ANKK1: variants seen among roughly 807,000 people sequenced by gnomAD.
ANKK1 encodes the protein ankyrin repeat and protein kinase domain-containing protein 1.
In ANKK1, 37 loss-of-function variants were observed where a neutral mutation model predicts 37.6. The observed-to-expected ratio is 0.98, with a 90% confidence interval of 0.76 to 1.29. The LOEUF (loss-of-function observed/expected upper bound fraction) is 1.29. Ranked by LOEUF, ANKK1 falls within the 50% of genes most tolerant of loss-of-function variation. The pLI, the probability that ANKK1 is intolerant of heterozygous loss-of-function variation, is 0.00. For synonymous variants in ANKK1, 415 were observed against 418.7 expected, an observed-to-expected ratio of 0.99 and a Z score of 0.11; for missense variants, 1,019 against 990.6, an observed-to-expected ratio of 1.03 and a Z score of -0.39.
In ANKK1 at chr11:113,397,888, G is replaced by A. The variant is rs12286468; in HGVS notation, c.958-92G>A. ...TGGGATGTGAGTCCTGACAGTGACC[G>A]GGAAGGTTGGAGAGAGGGAAGGAGG... On this transcript the variant is annotated intron_variant, in intron 6 of 7. Coordinates refer to ENST00000303941, the MANE Select transcript of ANKK1 (RefSeq NM_178510.2). 6.4e-3 allele frequency: 8,946 copies of A among 1,395,268 alleles called. 445 individuals carry two copies. The African/African-American group carries it at 0.11, about 17-fold the overall frequency. 86.4% of individuals were successfully genotyped at this position (1,395,268 alleles called of 1,614,324 possible).
intron 4 of ANKK1, 114 bp from the exon 5 acceptor site, chr11:113,395,952 TG>T: frequency 8.2e-7 from 1 of 1,212,310 alleles, no homozygotes; most frequent in Non-Finnish European, 1.2e-6. Flanking sequence ...CAAGCATTTG[TG>T]GAGCCCCCAC....
At position 113,396,171 on chromosome 11, in the gene ANKK1, C is replaced by G. The variant is rs943310420; in HGVS notation, c.787C>G (p.Leu263Val). Reference protein sequence around the residue: ...WPSEAQQMVDLMKRCWDQDPK... With the variant: ...WPSEAQQMVDVMKRCWDQDPK... Reference sequence around the variant, plus strand: ...AAGCGAGGCCCAGCAGATGGTGGACCTGATGAAACGCTGCTGGGACCAGGA... The same window carrying G: ...AAGCGAGGCCCAGCAGATGGTGGACGTGATGAAACGCTGCTGGGACCAGGA... The change falls in exon 5 of 8, where the codon CTG becomes GTG. Residue 263 changes from leucine to valine, a missense_variant. Leu to Val is a conservative substitution (Grantham distance 32). Transcript: ENST00000303941. 1 of 1,613,932 alleles carries G rather than the reference C, an allele frequency of 6.2e-7. No homozygotes were observed. The highest frequency in any genetic ancestry group is 8.5e-7 in the Non-Finnish European group (1 of 1,179,876).
intron 2 of ANKK1, 58 bp from the exon 3 acceptor site, chr11:113,394,871 C>G: frequency 6.3e-7 from 1 of 1,596,396 alleles, no homozygotes; most frequent in South Asian, 1.1e-5. Flanking sequence ...GAAGCCATAG[C>G]CGTTTTCTGG....
chr11:113,398,783 C>T (rs192829760), intron 7 of ANKK1, among the ~76,000 whole-genome samples, 181 bp from the exon 8 acceptor site: 16 of 152,200 alleles, frequency 1.1e-4, no homozygotes, highest in Non-Finnish European at 2.1e-4. Flanking sequence ...CCAGGACGAC[C>T]GAGCCTGAAC....
intron 1 of ANKK1, among the ~76,000 whole-genome samples, chr11:113,388,694 C>T (rs79697484): frequency 0.034 from 5,121 of 152,306 alleles, 102 homozygotes; most frequent in Middle Eastern, 0.058. Context: ...TGCTGTCATG[C>T]GCACTACAGC....
At chr11:113,395,255 G>T in intron 3 of ANKK1, 104 bp from the exon 4 acceptor site, 1 of 1,528,014 alleles carries the variant, frequency 6.5e-7, no homozygotes. Context: ...GGTGAGGCTT[G>T]CCTGGGACTG....
At chr11:113,397,841 A>T in intron 6 of ANKK1, 139 bp from the exon 7 acceptor site, 1 of 959,900 alleles carries the variant, frequency 1.0e-6, no homozygotes. Flanking sequence ...ATGGCAAAGG[A>T]TAAAGGTTTC....
chr11:113,393,197 A>G (rs1262696018), intron 1 of ANKK1, among the ~76,000 whole-genome samples: 2 of 152,210 alleles, frequency 1.3e-5, no homozygotes, highest in Admixed American at 1.3e-4. Flanking sequence ...ACTAGAATAA[A>G]GGGCAAACTG....
intron 7 of ANKK1, among the ~76,000 whole-genome samples, chr11:113,398,352 C>A (rs1310682214): frequency 2.0e-5 from 3 of 151,470 alleles, no homozygotes; most frequent in African/African-American, 7.3e-5. Context: ...CTTGGGCACA[C>A]CCTAGACTAA....
rs201092692 is a variant in ANKK1 at position 113,399,978 on chromosome 11, G to A, written c.2009G>A (p.Ser670Asn). The A allele has an allele frequency of 1.5e-5, 24 of 1,613,636 alleles. No homozygotes were observed. The African/African-American group carries it at 1.6e-4, about 11-fold the overall frequency. Residue 670 changes from serine (S) to asparagine (N), a missense_variant, in exon 8 of 8, where the codon AGC becomes AAC. Coordinates refer to ENST00000303941, the MANE Select transcript of ANKK1 (RefSeq NM_178510.2). Reference sequence around the variant, plus strand: ...CCCCTCCACCTGGCGGTCCAGAGGAGCACCTTCCTGAGTGTCATCAACCTC... The same window carrying A: ...CCCCTCCACCTGGCGGTCCAGAGGAACACCTTCCTGAGTGTCATCAACCTC... Reference protein sequence around the residue: ...WTPLHLAVQRSTFLSVINLLE... With the variant: ...WTPLHLAVQRNTFLSVINLLE...
At chr11:113,390,846 A>G (rs1744920741) in intron 1 of ANKK1, among the ~76,000 whole-genome samples, 1 of 152,212 alleles carries the variant, frequency 6.6e-6, no homozygotes, top group Admixed American at 6.5e-5. Context: ...AGTCTAAAGG[A>G]GGAAGACAAA....
chr11:113,399,904 G>GTGT lies in ANKK1; in HGVS notation c.1935_1936insTGT (p.Leu645_Leu646insCys). 1 of 1,613,530 alleles carries GTGT rather than the reference G, an allele frequency of 6.2e-7. No homozygotes were observed. The highest frequency in any genetic ancestry group is 8.5e-7 in the Non-Finnish European group (1 of 1,179,884). On this transcript the variant is annotated inframe_insertion, in exon 8 of 8. Coordinates refer to ENST00000303941, the MANE Select transcript of ANKK1 (RefSeq NM_178510.2). ...GGGAGGAGGCGGTGGTGTCAGCACT[G>GTGT]CTGCAGTGTGGGGCTGACCCCAATG...
intron 1 of ANKK1, among the ~76,000 whole-genome samples, 179 bp from the exon 2 acceptor site, chr11:113,393,302 A>G (rs946670921): frequency 2.0e-5 from 3 of 152,098 alleles, no homozygotes; most frequent in Non-Finnish European, 2.9e-5. Context: ...CTGTACTGAA[A>G]TCTAAGCGGC....
intron 1 of ANKK1, among the ~76,000 whole-genome samples, chr11:113,388,678 G>A (rs907931836): frequency 5.9e-5 from 9 of 152,128 alleles, no homozygotes; most frequent in Admixed American, 5.9e-4. Context: ...TTTTGTTTTT[G>A]TCCCTTGCTG....
At chr11:113,388,494 T>A (rs1950564235) in intron 1 of ANKK1, among the ~76,000 whole-genome samples, 1 of 152,162 alleles carries the variant, frequency 6.6e-6, no homozygotes, top group South Asian at 2.1e-4. Context: ...CCTGGGAGGC[T>A]GTGGCACTTT....
Position 113,387,872 on chromosome 11 carries a change from G to C in ANKK1, c.-13G>C. The C allele has an allele frequency of 6.6e-7, 1 of 1,520,018 alleles. No individual in the cohort carries two copies. The highest frequency in any genetic ancestry group is 8.8e-7 in the Non-Finnish European group (1 of 1,134,134). The allele number at this position is 1,520,018 out of a possible 1,614,324, so 94.2% of individuals were successfully genotyped here. A position where few individuals can be genotyped will look rare whatever the true frequency, so the allele number is the denominator to read the frequency against. ...CGGGGAGTGCGCGGCGCGGGGACAG[G>C]AAGAGAGGGGCAATGGCTGCCGACC... On this transcript the variant is annotated 5_prime_UTR_variant, in exon 1 of 8. Coordinates refer to ENST00000303941, the MANE Select transcript of ANKK1 (RefSeq NM_178510.2).
chr11:113,389,050 C>G (rs1388238729), intron 1 of ANKK1, among the ~76,000 whole-genome samples: 1 of 152,186 alleles, frequency 6.6e-6, no homozygotes, highest in East Asian at 1.9e-4. Context: ...GGCCTTCCCC[C>G]ACCTTATGAG....
chr11:113,399,437 C>A lies in ANKK1; in HGVS notation c.1468C>A (p.His490Asn), dbSNP rs912302675. The A allele has an allele frequency of 1.3e-6, 2 of 1,599,090 alleles. No individual in the cohort carries two copies. The highest frequency in any genetic ancestry group is 1.7e-6 in the Non-Finnish European group (2 of 1,173,280). ...LVSRQADPNL[H>N]EAEGKTPLHV... is the part of the protein sequence containing the mutation. The stretch of plus-strand genomic sequence containing the variant: ...CTCCCGTCAGGCTGACCCCAACCTG[C>A]ATGAGGCTGAGGGCAAGACCCCCCT... Residue 490 changes from histidine (H) to asparagine (N), a missense_variant, in exon 8 of 8, where the codon CAT becomes AAT. His to Asn is a moderately conservative substitution (Grantham distance 68). Transcript: ENST00000303941.
At chr11:113,398,334 AG>A (rs1183194086) in intron 7 of ANKK1, among the ~76,000 whole-genome samples, 6 of 137,056 alleles carry the variant, frequency 4.4e-5, no homozygotes, top group Non-Finnish European at 8.0e-5. Context: ...AAAAAAAAAA[AG>A]CTTTGCCTTG....
Sources: gnomAD v4.1 joint callset for allele counts (sites outside exome capture counted in the v4.1 genomes callset) on GRCh38, gnomAD v4.1.1 for gene constraint, MANE v1.5 for transcripts, NCBI Gene and HGNC (gene_info 2026-07-23, HGNC 2026-07-21) for gene names.